Variants in TXNRD1 observed in about 807,000 individuals in gnomAD.
TXNRD1 encodes the protein thioredoxin reductase 1, cytoplasmic.
A neutral mutation model predicts 80.3 loss-of-function variants in TXNRD1; 57 were observed. The ratio of observed to expected loss-of-function variants is 0.71; its 90% confidence interval spans 0.57 to 0.89. The LOEUF (loss-of-function observed/expected upper bound fraction) is 0.89, where lower values mean the gene tolerates loss of function less well. TXNRD1 is among the 40% of genes least tolerant of loss of function. TXNRD1 has a pLI of 0.00. For missense variants in TXNRD1, 730 were observed against 803.0 expected (o/e 0.91, Z 1.10); for synonymous variants, 291 against 285.2 (o/e 1.02, Z -0.20).
intron 1 of TXNRD1, among the ~76,000 whole-genome samples, chr12:104,220,088 TTCTG>T (rs1227301265): frequency 2.0e-5 from 3 of 152,146 alleles, no homozygotes; most frequent in African/African-American, 7.2e-5. Flanking sequence ...AATCACCTAT[TTCTG>T]GGCAGAGGTG....
intron 16 of TXNRD1, among the ~76,000 whole-genome samples, chr12:104,340,733 C>T (rs553537815): frequency 1.3e-5 from 2 of 152,260 alleles, no homozygotes; most frequent in South Asian, 4.1e-4. Context: ...CCAACATGAT[C>T]TCATTTTCAC....
At chr12:104,222,937 T>C (rs1190716104) in intron 1 of TXNRD1, among the ~76,000 whole-genome samples, 1 of 152,182 alleles carries the variant, frequency 6.6e-6, no homozygotes, top group African/African-American at 2.4e-5. Flanking sequence ...GTCTAGGCTG[T>C]AATAAAATAG....
chr12:104,228,763 A>T (rs1175090261), intron 1 of TXNRD1, among the ~76,000 whole-genome samples: 2 of 151,930 alleles, frequency 1.3e-5, no homozygotes, highest in East Asian at 3.9e-4. Flanking sequence ...TCTGTTGCCC[A>T]GGCTGGAGTG....
chr12:104,328,690 C>T (rs1470135846), intron 13 of TXNRD1, among the ~76,000 whole-genome samples: 7 of 139,860 alleles, frequency 5.0e-5, no homozygotes, highest in South Asian at 4.6e-4. Context: ...ACCCGGGAGG[C>T]GGAGCTTGCC....
chr12:104,297,177 C>T (rs945687651), intron 4 of TXNRD1, among the ~76,000 whole-genome samples: 10 of 151,066 alleles, frequency 6.6e-5, no homozygotes, highest in African/African-American at 1.2e-4. Context: ...TGTTGGCGGG[C>T]GCCTGTAATC....
chr12:104,339,611 CT>C (rs1332190215), intron 16 of TXNRD1, among the ~76,000 whole-genome samples: 1 of 152,112 alleles, frequency 6.6e-6, no homozygotes, highest in Non-Finnish European at 1.5e-5. Flanking sequence ...TATCTTGAGG[CT>C]AATTGATACT....
At chr12:104,231,170 C>A (rs935330904) in intron 1 of TXNRD1, among the ~76,000 whole-genome samples, 7 of 152,254 alleles carry the variant, frequency 4.6e-5, no homozygotes, top group Non-Finnish European at 1.0e-4. Flanking sequence ...TGTCTCTCTG[C>A]CTAAAATAAT....
chr12:104,278,700 A>G (rs1441056261), intron 3 of TXNRD1, among the ~76,000 whole-genome samples: 4 of 149,804 alleles, frequency 2.7e-5, no homozygotes, highest in Non-Finnish European at 5.9e-5. Flanking sequence ...ACAGGGTTTC[A>G]CCACGTTGGC....
At chr12:104,346,137 T>A in intron 16 of TXNRD1, 1 of 486,202 alleles carries the variant, frequency 2.1e-6, no homozygotes, top group Non-Finnish European at 3.7e-6. Flanking sequence ...CTCAGTCTCC[T>A]GAGTAGCTGG....
intron 14 of TXNRD1, among the ~76,000 whole-genome samples, chr12:104,332,891 T>C (rs543195955): frequency 1.3e-5 from 2 of 152,098 alleles, no homozygotes; most frequent in East Asian, 3.9e-4. Context: ...AGTTTCTTTT[T>C]CTCTAAATAT....
rs930681881 is a variant in TXNRD1 at position 104,265,919 on chromosome 12, T to C, written c.304+7840T>C. 1.1e-5 allele frequency: 9 copies of C among 787,094 alleles called. No homozygotes were observed. The African/African-American group carries it at 1.7e-4, about 15-fold the overall frequency. The allele number at this position is 787,094 out of a possible 1,614,324, so 48.8% of individuals were successfully genotyped here. A position where few individuals can be genotyped will look rare whatever the true frequency, so the allele number is the denominator to read the frequency against. On this transcript the variant is annotated intron_variant, in intron 3 of 16. Transcript: ENST00000525566. ...AAAAAAAAAAAAAAAAAAAGTGATC[T>C]GGCTGGACAAACTGAGCCAGTCCCA...
chr12:104,291,480 C>CTTTT (rs1161549363), intron 4 of TXNRD1, among the ~76,000 whole-genome samples: 15 of 98,396 alleles, frequency 1.5e-4, no homozygotes, highest in East Asian at 5.3e-4. Flanking sequence ...CCGCACCCAG[C>CTTTT]TTTTTTTTTT....
chr12:104,271,295 C>T lies in TXNRD1; in HGVS notation c.304+13216C>T, dbSNP rs1344661003. Among the ~76,000 whole-genome samples, 5 of 150,682 alleles carry T rather than the reference C, an allele frequency of 3.3e-5. 1 individual carries two copies. Among genetic ancestry groups the T allele is most frequent in the African/African-American group, 7.3e-5 (3 of 40,860 alleles). On this transcript the variant is annotated intron_variant, in intron 3 of 16. Transcript: ENST00000525566. ...CCGCCTCCCAGGTTCATGCCATTCTCCTGCCTCAGCCTCCTGAGTTTCTGG... is the reference window on the plus strand; with the variant it reads ...CCGCCTCCCAGGTTCATGCCATTCTTCTGCCTCAGCCTCCTGAGTTTCTGG...
chr12:104,331,513 C>T, intron 13 of TXNRD1, 21 bp from the exon 14 acceptor site: 1 of 1,534,660 alleles, frequency 6.5e-7, no homozygotes, highest in South Asian at 1.2e-5. Flanking sequence ...ATTATAACTC[C>T]TTACCTCCAT....
chr12:104,298,855 G>A (rs1289344053), intron 4 of TXNRD1, among the ~76,000 whole-genome samples: 1 of 150,796 alleles, frequency 6.6e-6, no homozygotes, highest in Admixed American at 6.6e-5. Flanking sequence ...GATTTATTAA[G>A]TACCTACTCA....
chr12:104,261,875 A>G (rs1405355330), intron 3 of TXNRD1, among the ~76,000 whole-genome samples: 1 of 151,942 alleles, frequency 6.6e-6, no homozygotes, highest in Non-Finnish European at 1.5e-5. Flanking sequence ...CAGCCTCCCA[A>G]GTAGATGGGA....
chr12:104,264,627 TTC>T (rs2033436692), intron 3 of TXNRD1, among the ~76,000 whole-genome samples: 3 of 152,158 alleles, frequency 2.0e-5, no homozygotes, highest in South Asian at 4.1e-4. Context: ...GTAAACTCTG[TTC>T]TGTTTTATTA....
At chr12:104,347,115 T>C (rs1338515765) in intron 16 of TXNRD1, among the ~76,000 whole-genome samples, 1 of 151,992 alleles carries the variant, frequency 6.6e-6, no homozygotes, top group African/African-American at 2.4e-5. Context: ...AATAATAAAA[T>C]AACGATTTCA....
At chr12:104,229,873 G>A (rs1192139862) in intron 1 of TXNRD1, among the ~76,000 whole-genome samples, 1 of 152,012 alleles carries the variant, frequency 6.6e-6, no homozygotes, top group Non-Finnish European at 1.5e-5. Context: ...TTACAGGTGT[G>A]AGCCACTGTG....
Sources: gnomAD v4.1 joint callset for allele counts (sites outside exome capture counted in the v4.1 genomes callset) on GRCh38, gnomAD v4.1.1 for gene constraint, MANE v1.5 for transcripts, NCBI Gene and HGNC (gene_info 2026-07-23, HGNC 2026-07-21) for gene names.